PLCD1: variants seen among roughly 807,000 people sequenced by gnomAD.
PLCD1 encodes the protein 1-phosphatidylinositol 4,5-bisphosphate phosphodiesterase delta-1.
A neutral mutation model predicts 87.4 loss-of-function variants in PLCD1; 71 were observed. That is an observed-to-expected ratio of 0.81 (90% CI 0.67 to 0.99). The LOEUF (loss-of-function observed/expected upper bound fraction) is 0.99, where lower values mean the gene tolerates loss of function less well. Among genes scored for constraint, PLCD1 ranks in the 50% least tolerant of loss-of-function variants. The pLI is 0.00. For missense variants in PLCD1, 867 were observed against 1,001.5 expected, an observed-to-expected ratio of 0.87 and a Z score of 1.81; for synonymous variants, 348 against 399.2, an observed-to-expected ratio of 0.87 and a Z score of 1.53.
intron 3 of PLCD1, among the ~76,000 whole-genome samples, chr3:38,015,266 G>A (rs1182102993): frequency 6.6e-6 from 1 of 152,240 alleles, no homozygotes; most frequent in Non-Finnish European, 1.5e-5. Flanking sequence ...TGGAAGGAAT[G>A]AAGTACTGAC....
In PLCD1 at chr3:38,026,771, A is replaced by C. The variant is rs1700315682; in HGVS notation, c.34+2735T>G. On this transcript the variant is annotated intron_variant, in intron 1 of 14. Transcript: ENST00000334661. ...GGAGGACTGGTTTTTGGGGCAACCTAGAATTTCTATGCCCATTGGCGTTTA... is the reference window on the plus strand; with the variant it reads ...GGAGGACTGGTTTTTGGGGCAACCTCGAATTTCTATGCCCATTGGCGTTTA... Among the ~76,000 whole-genome samples the C allele has an allele frequency of 2.0e-5, 3 of 152,368 alleles. No homozygotes were observed. In the South Asian group the frequency reaches 6.2e-4, roughly 32 times the overall value.
chr3:38,026,711 C>T (rs1700313485), intron 1 of PLCD1, among the ~76,000 whole-genome samples: 1 of 152,200 alleles, frequency 6.6e-6, no homozygotes, highest in African/African-American at 2.4e-5. Flanking sequence ...GCTGGCCACC[C>T]CAACTTGCTA....
In PLCD1 at chr3:38,020,325, G is replaced by T; in HGVS notation, c.62C>A (p.Ala21Glu). The T allele has an allele frequency of 1.2e-6, 2 of 1,613,984 alleles. No homozygotes were observed. Among genetic ancestry groups the T allele is most frequent in the Non-Finnish European group, 1.7e-6 (2 of 1,179,974 alleles). Residue 21 changes from alanine (A) to glutamate (E), a missense_variant, in exon 2 of 15, where the codon GCG (alanine) becomes GAG (glutamate). Physicochemically the swap from Ala to Glu is moderately radical, Grantham distance 107. Transcript: ENST00000334661. The part of the protein sequence containing the change: ...HGLQDDEDLQ[A>E]LLKGSQLLKV... ...CAGGAGCTGGCTGCCCTTCAGCAGC[G>T]CCTGTAGATCCTCATCATCCTGTAG...
chr3:38,027,936 A>G (rs1348094196), intron 1 of PLCD1, among the ~76,000 whole-genome samples: 1 of 152,196 alleles, frequency 6.6e-6, no homozygotes, highest in Non-Finnish European at 1.5e-5. Flanking sequence ...CCCTTCAGGA[A>G]AGGCTGGACT....
At chr3:38,026,644 G>T (rs1240536921) in intron 1 of PLCD1, among the ~76,000 whole-genome samples, 3 of 151,762 alleles carry the variant, frequency 2.0e-5, no homozygotes, top group Non-Finnish European at 4.4e-5. Context: ...GTGTGCCTGT[G>T]TAGCATGGGC....
At chr3:38,007,947 C>T in intron 14 of PLCD1, 67 bp downstream of exon 14, 4 of 1,608,864 alleles carry the variant, frequency 2.5e-6, no homozygotes, top group Non-Finnish European at 3.4e-6. Flanking sequence ...GGACAGCCAG[C>T]CCCAGCCCAA....
chr3:38,009,135 C>G lies in PLCD1; in HGVS notation c.1630G>C (p.Val544Leu). ...ESGNGFVRHN[V>L]GHLSRIYPAG... Reference sequence around the variant, plus strand: ...GGGTAGATTCTGCTCAGGTGCCCCACGTTGTGGCGGACAAAGCCGTTTCCT... The same window carrying G: ...GGGTAGATTCTGCTCAGGTGCCCCAGGTTGTGGCGGACAAAGCCGTTTCCT... The change falls in exon 11 of 15, where the codon GTG becomes CTG. Residue 544 changes from valine (V) to leucine (L), a missense_variant. Coordinates refer to ENST00000334661, the MANE Select transcript of PLCD1 (RefSeq NM_006225.4). 6.2e-7 allele frequency: 1 copy of G among 1,614,170 alleles called. No homozygotes were observed. Among genetic ancestry groups the G allele is most frequent in the East Asian group, 2.2e-5 (1 of 44,884 alleles).
chr3:38,017,085 G>A lies in PLCD1; in HGVS notation c.200-366C>T, dbSNP rs1287747551. ...TGGGGGGTGCAGGGCCCCAGGGAGA[G>A]GACTGGAGCAGGGCAAGGCTCTTAG... On this transcript the variant is annotated intron_variant, in intron 2 of 14. Transcript: ENST00000334661. The surrounding 1 kb of genome is among the most constrained non-coding windows in gnomAD (Gnocchi z 4.7). 6.6e-6 allele frequency among the ~76,000 whole-genome samples: 1 copy of A among 152,106 alleles called. No individual in the cohort carries two copies.
intron 1 of PLCD1, among the ~76,000 whole-genome samples, chr3:38,021,708 T>A (rs1021572884): frequency 2.6e-5 from 4 of 152,202 alleles, no homozygotes; most frequent in African/African-American, 9.7e-5. Flanking sequence ...ATGTGGCCCA[T>A]CAGCAATCTC....
In PLCD1 at chr3:38,017,656, G is replaced by T. The variant is rs1001182011; in HGVS notation, c.200-937C>A. Among the ~76,000 whole-genome samples, 7 of 152,138 alleles carry T rather than the reference G, an allele frequency of 4.6e-5. No individual in the cohort carries two copies. The highest frequency in any genetic ancestry group is 8.8e-5 in the Non-Finnish European group (6 of 68,006). On this transcript the variant is annotated intron_variant, in intron 2 of 14. Coordinates refer to ENST00000334661, the MANE Select transcript of PLCD1 (RefSeq NM_006225.4). This position sits in a 1 kb window ranked among gnomAD's most constrained non-coding sequence, Gnocchi z 4.7. ...CTCCCAGCAGCAGGATCCAGGCTCT[G>T]CCCCTGCCATACCTCCATCCTGAGC...
chr3:38,019,350 C>T (rs1052846475), intron 2 of PLCD1, among the ~76,000 whole-genome samples: 1 of 152,232 alleles, frequency 6.6e-6, no homozygotes, highest in East Asian at 1.9e-4. Flanking sequence ...GGCAGTCACA[C>T]TAGCCACATT....
Position 38,007,589 on chromosome 3 carries a change from A to C in PLCD1, c.*184T>G. 1.4e-6 allele frequency: 1 copy of C among 701,228 alleles called. No individual in the cohort carries two copies. Among genetic ancestry groups the C allele is most frequent in the Non-Finnish European group, 2.6e-6 (1 of 384,536 alleles). 43.4% of individuals were successfully genotyped at this position (701,228 alleles called of 1,614,324 possible). Reference sequence around the variant, plus strand: ...TGTTATTCCTAACGGAATGAAGGACAGCTCCAGGGACTGGGCTAGCTCCTG... The same window carrying C: ...TGTTATTCCTAACGGAATGAAGGACCGCTCCAGGGACTGGGCTAGCTCCTG... On this transcript the variant is annotated 3_prime_UTR_variant, in exon 15 of 15. Coordinates refer to ENST00000334661, the MANE Select transcript of PLCD1 (RefSeq NM_006225.4).
rs531284109 is a variant in PLCD1, at chr3:38,017,926, G to A, written c.200-1207C>T. On this transcript the variant is annotated intron_variant, in intron 2 of 14. Transcript: ENST00000334661. The surrounding 1 kb of genome is among the most constrained non-coding windows in gnomAD (Gnocchi z 4.7). ...GCAGCCCCTGGTGACCCACACGGCC[G>A]CACACAGGGTGCAGCTGCAGCTGCC... Among the ~76,000 whole-genome samples the A allele has an allele frequency of 2.6e-5, 4 of 152,136 alleles. No individual in the cohort carries two copies. The highest frequency in any genetic ancestry group is 9.6e-5 in the African/African-American group (4 of 41,522).
Position 38,009,267 on chromosome 3 carries a change from C to A in PLCD1, c.1606+5G>T, listed in dbSNP as rs200900489. On this transcript the variant is annotated splice_donor_5th_base_variant and intron_variant, in intron 10 of 14. Coordinates refer to ENST00000334661, the MANE Select transcript of PLCD1 (RefSeq NM_006225.4). ...GCAGGGGAGTGGTGGGGAGCCAGGC[C>A]TCACCTGATTCTTGGAGCAGTCGAA... is the stretch of plus-strand genomic sequence containing the variant. The A allele has an allele frequency of 3.5e-4, 558 of 1,614,134 alleles. 3 individuals carry two copies. Among genetic ancestry groups the A allele is most frequent in the African/African-American group, 1.1e-3 (86 of 75,046 alleles).
chr3:38,007,806 G>A lies in PLCD1; in HGVS notation c.2238C>T (p.Ala746=). The change falls in exon 15 of 15, where the codon GCC becomes GCT. Residue 746 remains alanine (A), a synonymous_variant. Transcript: ENST00000334661. The part of the protein sequence containing the change: ...MSKNGDQHPS[A]TLFVKISLQD ...GGAGGGAGATCTTCACAAAGAGGGT[G>A]GCTGATGGATGCTGGTCCCCGTTCT... 1 of 1,614,164 alleles carries A rather than the reference G, an allele frequency of 6.2e-7. No homozygotes were observed. Among genetic ancestry groups the A allele is most frequent in the Non-Finnish European group, 8.5e-7 (1 of 1,179,974 alleles).
At position 38,009,724 on chromosome 3, in the gene PLCD1, C is replaced by G. The variant is rs530006178; in HGVS notation, c.1375G>C (p.Val459Leu). The G allele has an allele frequency of 6.2e-7, 1 of 1,614,188 alleles. No individual in the cohort carries two copies. The highest frequency in any genetic ancestry group is 1.3e-5 in the African/African-American group (1 of 75,060). The change falls in exon 9 of 15, where the codon GTG (valine) becomes CTG (leucine). Residue 459 changes from valine to leucine, a missense_variant. Physicochemically the swap from Val to Leu is conservative, Grantham distance 32 (BLOSUM62 1). Transcript: ENST00000334661. Reference protein sequence around the residue: ...GGEGGPEATVVSDEDEAAEME... With the variant: ...GGEGGPEATVLSDEDEAAEME... ...TCAGCAGCCTCGTCTTCGTCTGACA[C>G]CACAGTGGCCTCAGGGCCACCCTCC...
At chr3:38,010,605 C>T (rs1414916979) in intron 5 of PLCD1, 43 bp from the exon 6 acceptor site, 1 of 1,552,596 alleles carries the variant, frequency 6.4e-7, no homozygotes, top group South Asian at 1.2e-5. Flanking sequence ...CAGCCTCCAG[C>T]AGGCGCTCCT....
Position 38,008,604 on chromosome 3 carries a change from T to G in PLCD1, c.1756A>C (p.Met586Leu), listed in dbSNP as rs749523027. 2 of 1,614,150 alleles carry G rather than the reference T, an allele frequency of 1.2e-6. No individual in the cohort carries two copies. Among genetic ancestry groups the G allele is most frequent in the South Asian group, 2.2e-5 (2 of 91,086 alleles). The change falls in exon 12 of 15, where the codon ATG (methionine) becomes CTG (leucine). Residue 586 changes from methionine (M) to leucine (L), a missense_variant. Physicochemically the swap from Met to Leu is conservative, Grantham distance 15. Coordinates refer to ENST00000334661, the MANE Select transcript of PLCD1 (RefSeq NM_006225.4). ...ALNFQTPGPEMDVYQGRFQDN... is the reference protein window; with the variant it reads ...ALNFQTPGPELDVYQGRFQDN... ...TGGAAGCGGCCCTGGTACACGTCCA[T>G]CTCTGGCCCAGGTGTCTGGAAATTC...
intron 1 of PLCD1, among the ~76,000 whole-genome samples, chr3:38,024,003 T>C (rs972337854): frequency 1.3e-5 from 2 of 150,680 alleles, no homozygotes; most frequent in African/African-American, 4.9e-5. Context: ...GCACAAACTC[T>C]TGCAGATCAC....
Sources: gnomAD v4.1 joint callset for allele counts (sites outside exome capture counted in the v4.1 genomes callset) on GRCh38, gnomAD v4.1.1 for gene constraint, Gnocchi (gnomAD v3.1) non-coding constraint, MANE v1.5 for transcripts, NCBI Gene and HGNC (gene_info 2026-07-23, HGNC 2026-07-21) for gene names.